The following EFCAB13 variants were observed in gnomAD, a reference collection of about 807,000 sequenced individuals.
EFCAB13 encodes the protein EF-hand calcium binding domain 13.
A neutral mutation model predicts 110.2 loss-of-function variants in EFCAB13; 91 were observed. The ratio of observed to expected loss-of-function variants is 0.83; its 90% CI spans 0.70 to 0.98. EFCAB13 has a LOEUF of 0.98. EFCAB13 is among the 50% of genes least tolerant of loss of function. The pLI, the probability that EFCAB13 is intolerant of heterozygous loss-of-function variation, is 0.00. For synonymous variants in EFCAB13, 323 were observed against 369.9 expected, an observed-to-expected ratio of 0.87 and a Z score of 1.45; for missense variants, 968 against 1,119.4, an observed-to-expected ratio of 0.86 and a Z score of 1.93.
chr17:47,404,782 A>T lies in EFCAB13; in HGVS notation c.2233+149A>T, dbSNP rs1225331248. ...CATGTGTACTTGAACACTTTCAGTT[A>T]TGGGGAACTTCCTACATTTTATTTT... On this transcript the variant is annotated intron_variant, in intron 20 of 24. Coordinates refer to ENST00000331493, the MANE Select transcript of EFCAB13 (RefSeq NM_152347.5). 1.3e-5 allele frequency: 6 copies of T among 461,288 alleles called. No individual in the cohort carries two copies. The East Asian group carries it at 2.0e-4, about 16-fold the overall frequency. The allele number at this position is 461,288 out of a possible 1,614,324, so 28.6% of individuals were successfully genotyped here. A position where few individuals can be genotyped will look rare whatever the true frequency, so the allele number is the denominator to read the frequency against.
intron 15 of EFCAB13, among the ~76,000 whole-genome samples, chr17:47,391,975 A>G (rs753591774): frequency 1.3e-5 from 2 of 152,186 alleles, no homozygotes; most frequent in African/African-American, 2.4e-5. Flanking sequence ...AATTCACAAT[A>G]AAGTTAAACC....
At chr17:47,370,378 G>T in intron 10 of EFCAB13, 59 bp from the exon 11 acceptor site, 2 of 1,129,164 alleles carry the variant, frequency 1.8e-6, no homozygotes, top group African/African-American at 1.5e-5. Context: ...ATTAGAATAG[G>T]ATGGCAGATA....
In EFCAB13 at chr17:47,431,975, G is replaced by A. The variant is rs886228769; in HGVS notation, c.2638+2014G>A. Among the ~76,000 whole-genome samples, 5 of 152,146 alleles carry A rather than the reference G, an allele frequency of 3.3e-5. No individual in the cohort carries two copies. The highest frequency in any genetic ancestry group is 7.3e-5 in the Non-Finnish European group (5 of 68,032). ...GTTAACATGCTGACTTAGAATTAAGGCTGGGCATTGTGTTTCATGCCTGTA... is the reference window on the plus strand; with the variant it reads ...GTTAACATGCTGACTTAGAATTAAGACTGGGCATTGTGTTTCATGCCTGTA... On this transcript the variant is annotated intron_variant, in intron 24 of 24. Coordinates refer to ENST00000331493, the MANE Select transcript of EFCAB13 (RefSeq NM_152347.5). The surrounding 1 kb of genome is among the most constrained non-coding windows in gnomAD (Gnocchi z 4.1).
Position 47,437,661 on chromosome 17 carries a change from A to G in EFCAB13, c.2639-2770A>G, listed in dbSNP as rs539148848. Among the ~76,000 whole-genome samples, 68 of 152,268 alleles carry G rather than the reference A, an allele frequency of 4.5e-4. 1 individual carries two copies. Among genetic ancestry groups the G allele is most frequent in the African/African-American group, 1.6e-3 (68 of 41,534 alleles). ...AAGTTTATTTGAGTCCTTATGTGCTAGGTGAGTCTTCTGAAGGCAGCAGAT... is the reference window on the plus strand; with the variant it reads ...AAGTTTATTTGAGTCCTTATGTGCTGGGTGAGTCTTCTGAAGGCAGCAGAT... On this transcript the variant is annotated intron_variant, in intron 24 of 24. Coordinates refer to ENST00000331493, the MANE Select transcript of EFCAB13 (RefSeq NM_152347.5).
chr17:47,348,766 G>A (rs2065432178), intron 9 of EFCAB13, among the ~76,000 whole-genome samples: 1 of 151,876 alleles, frequency 6.6e-6, no homozygotes, highest in Admixed American at 6.6e-5. Context: ...GAAAAATTGT[G>A]TTCTTATTGT....
At chr17:47,371,952 A>G (rs543992800) in intron 11 of EFCAB13, among the ~76,000 whole-genome samples, 8 of 152,282 alleles carry the variant, frequency 5.3e-5, no homozygotes, top group African/African-American at 1.7e-4. Context: ...TGGTTGCTGT[A>G]TTAGTCTTTT....
intron 17 of EFCAB13, among the ~76,000 whole-genome samples, chr17:47,401,913 G>T (rs2065781116): frequency 6.6e-6 from 1 of 151,874 alleles, no homozygotes; most frequent in East Asian, 1.9e-4. Flanking sequence ...CAAAGTGCTG[G>T]GATTACAGGC....
At chr17:47,363,139 A>G (rs1250268567) in intron 10 of EFCAB13, among the ~76,000 whole-genome samples, 2 of 152,148 alleles carry the variant, frequency 1.3e-5, no homozygotes, top group Non-Finnish European at 2.9e-5. Context: ...TGTTGTGATC[A>G]TAGCTTGCTG....
At chr17:47,359,371 C>T (rs995317957) in intron 9 of EFCAB13, among the ~76,000 whole-genome samples, 2 of 151,888 alleles carry the variant, frequency 1.3e-5, no homozygotes, top group Non-Finnish European at 2.9e-5. Flanking sequence ...AAAGACTAAT[C>T]GAATGAACAA....
In EFCAB13 at chr17:47,396,032, C is replaced by A. The variant is rs1007060100; in HGVS notation, c.1945+55C>A. On this transcript the variant is annotated intron_variant, in intron 17 of 24. Coordinates refer to ENST00000331493, the MANE Select transcript of EFCAB13 (RefSeq NM_152347.5). ...GTATACCAAGATATTACTTTATTTT[C>A]TGTCAACTCTTGTCATTGTATCTTG... 3 of 1,453,048 alleles carry A rather than the reference C, an allele frequency of 2.1e-6. No homozygotes were observed. In the East Asian group the frequency reaches 6.9e-5, roughly 34 times the overall value. The allele number at this position is 1,453,048 out of a possible 1,614,324, so 90.0% of individuals were successfully genotyped here.
Position 47,440,869 on chromosome 17 carries a change from C to T in EFCAB13, c.*155C>T, listed in dbSNP as rs918178857. On this transcript the variant is annotated 3_prime_UTR_variant, in exon 25 of 25. Transcript: ENST00000331493. ...CTGTTATGTTCTCATGTATCTTCAG[C>T]GACTCTCTTGATCACACTTTTTAAA... 12 of 562,350 alleles carry T rather than the reference C, an allele frequency of 2.1e-5. No individual in the cohort carries two copies. The highest frequency in any genetic ancestry group is 3.9e-5 in the African/African-American group (2 of 51,784). The allele number at this position is 562,350 out of a possible 1,614,324, so 34.8% of individuals were successfully genotyped here.
intron 4 of EFCAB13, among the ~76,000 whole-genome samples, chr17:47,329,659 C>T (rs1176412770): frequency 6.6e-6 from 1 of 152,074 alleles, no homozygotes; most frequent in African/African-American, 2.4e-5. Flanking sequence ...TCACAGATGG[C>T]TCACCTTTTA....
In EFCAB13 at chr17:47,412,876, G is replaced by A; in HGVS notation, c.2382G>A (p.Glu794=). The change falls in exon 22 of 25, where the codon GAG becomes GAA. Residue 794 remains glutamate (E), a synonymous_variant. Coordinates refer to ENST00000331493, the MANE Select transcript of EFCAB13 (RefSeq NM_152347.5). ...ALKCLNVNLT[E]EDFNEALNCC... ...AATGTTTGAATGTTAATTTAACTGAGGAGGACTTCAATGAAGCCCTTAACT... is the reference window on the plus strand; with the variant it reads ...AATGTTTGAATGTTAATTTAACTGAAGAGGACTTCAATGAAGCCCTTAACT... 6.2e-7 allele frequency: 1 copy of A among 1,613,788 alleles called. No individual in the cohort carries two copies. Among genetic ancestry groups the A allele is most frequent in the Non-Finnish European group, 8.5e-7 (1 of 1,179,828 alleles).
At position 47,431,200 on chromosome 17, in the gene EFCAB13, T is replaced by C. The variant is rs928778616; in HGVS notation, c.2638+1239T>C. ...TATTGTGCTACTGAACACCAGATCT[T>C]ATTCCTTCTAACTGTATTTTGTACC... On this transcript the variant is annotated intron_variant, in intron 24 of 24. Transcript: ENST00000331493. This position sits in a 1 kb window ranked among gnomAD's most constrained non-coding sequence, Gnocchi z 4.1. Among the ~76,000 whole-genome samples, 2 of 152,114 alleles carry C rather than the reference T, an allele frequency of 1.3e-5. No individual in the cohort carries two copies. Among genetic ancestry groups the C allele is most frequent in the Admixed American group, 6.5e-5 (1 of 15,268 alleles).
chr17:47,353,398 G>T (rs1404577840), intron 9 of EFCAB13, among the ~76,000 whole-genome samples: 1 of 151,870 alleles, frequency 6.6e-6, no homozygotes, highest in Non-Finnish European at 1.5e-5. Context: ...GGGTTCAAGG[G>T]ATTCTCCTGC....
chr17:47,414,470 G>A (rs1252487479), intron 22 of EFCAB13, among the ~76,000 whole-genome samples: 2 of 147,432 alleles, frequency 1.4e-5, no homozygotes, highest in Non-Finnish European at 3.0e-5. Flanking sequence ...CAGAGATTGC[G>A]CCACTGCACT....
intron 23 of EFCAB13, among the ~76,000 whole-genome samples, chr17:47,425,985 C>T (rs1196649554): frequency 6.6e-6 from 1 of 152,184 alleles, no homozygotes; most frequent in Non-Finnish European, 1.5e-5. Context: ...ATGAAACAAA[C>T]TGCATGACCT....
chr17:47,366,064 C>G (rs1410608835), intron 10 of EFCAB13, among the ~76,000 whole-genome samples: 1 of 152,064 alleles, frequency 6.6e-6, no homozygotes, highest in African/African-American at 2.4e-5. Context: ...AGACATAGCA[C>G]TGCAGGTACT....
chr17:47,406,149 G>T (rs1047181594), intron 20 of EFCAB13, among the ~76,000 whole-genome samples: 1 of 152,090 alleles, frequency 6.6e-6, no homozygotes, highest in Non-Finnish European at 1.5e-5. Flanking sequence ...GTCTCATTCT[G>T]TCGCCTCGGC....
Sources: gnomAD v4.1 joint callset for allele counts (sites outside exome capture counted in the v4.1 genomes callset) on GRCh38, gnomAD v4.1.1 for gene constraint, Gnocchi (gnomAD v3.1) non-coding constraint, MANE v1.5 for transcripts, NCBI Gene and HGNC (gene_info 2026-07-23, HGNC 2026-07-21) for gene names.